WDFY4: variants seen among roughly 807,000 people sequenced by gnomAD.
The protein encoded by WDFY4 is WD repeat- and FYVE domain-containing protein 4.
Under a neutral mutation model 351.9 loss-of-function variants are expected in WDFY4, and 169 were observed. That is an observed-to-expected ratio of 0.48 (90% CI 0.42 to 0.55). The LOEUF (loss-of-function observed/expected upper bound fraction) is 0.55, where lower values mean the gene tolerates loss of function less well. WDFY4 is among the 20% of genes least tolerant of loss of function. The probability of loss-of-function intolerance (pLI) is 0.00; values close to 1 mark genes in which losing one functional copy is unlikely to be tolerated. For missense variants in WDFY4, 3,803 were observed against 3,935.6 expected, an observed-to-expected ratio of 0.97 and a Z score of 0.90; for synonymous variants, 1,622 against 1,574.6, an observed-to-expected ratio of 1.03 and a Z score of -0.71.
In WDFY4 at chr10:48,709,917, C is replaced by T; in HGVS notation, c.185C>T (p.Pro62Leu). 6.4e-7 allele frequency: 1 copy of T among 1,552,196 alleles called. No individual in the cohort carries two copies. Among genetic ancestry groups the T allele is most frequent in the Non-Finnish European group, 8.7e-7 (1 of 1,147,110 alleles). The change falls in exon 2 of 62, where the codon CCC (proline) becomes CTC (leucine). Residue 62 changes from proline (P) to leucine (L), a missense_variant. Physicochemically the swap from Pro to Leu is moderately conservative, Grantham distance 98. This residue lies in a region of WDFY4 where 488 missense variants were observed against 456.8 expected (regional missense o/e 1.07). Transcript: ENST00000325239. ...TACCAGCAGTTGACTCACAAGAGCC[C>T]CATTGAGCGTCAGAAGAGCCTGTTG... ...LEYQQLTHKS[P>L]IERQKSLLSL...
rs1002232240 is a variant in WDFY4, at chr10:48,873,777, A to T, written c.6948+80A>T. The T allele has an allele frequency of 2.3e-5, 33 of 1,439,986 alleles. No homozygotes were observed. In the African/African-American group the frequency reaches 4.6e-4, roughly 20 times the overall value. The allele number at this position is 1,439,986 out of a possible 1,614,324, so 89.2% of individuals were successfully genotyped here. Reference sequence around the variant, plus strand: ...AGCAGCTCCTGAGCTTCCCCATCACATGTTGTTTATATCAGGCTAAGATAA... The same window carrying T: ...AGCAGCTCCTGAGCTTCCCCATCACTTGTTGTTTATATCAGGCTAAGATAA... On this transcript the variant is annotated intron_variant, in intron 41 of 61. Coordinates refer to ENST00000325239, the MANE Select transcript of WDFY4 (RefSeq NM_001394531.1).
chr10:48,975,245 T>C (rs1842516881), intron 58 of WDFY4: 1 of 711,886 alleles, frequency 1.4e-6, no homozygotes, highest in Non-Finnish European at 2.4e-6. Flanking sequence ...TTCCTCCCTC[T>C]GGTGTTGGGG....
At chr10:48,813,929 T>G (rs1422118647) in intron 30 of WDFY4, 28 bp from the exon 31 acceptor site, 2 of 1,495,370 alleles carry the variant, frequency 1.3e-6, no homozygotes, top group Admixed American at 4.6e-5. Context: ...GCCGCAGGTC[T>G]GCTTACAGCT....
intron 25 of WDFY4, chr10:48,804,879 C>A (rs1589652701): frequency 2.8e-6 from 2 of 714,286 alleles, no homozygotes; most frequent in Non-Finnish European, 3.4e-6. Context: ...CACAACCAGA[C>A]AAGCTAGTGA....
At chr10:48,686,936 T>A (rs893028464) in intron 1 of WDFY4, among the ~76,000 whole-genome samples, 1 of 152,210 alleles carries the variant, frequency 6.6e-6, no homozygotes, top group African/African-American at 2.4e-5. Flanking sequence ...TTACTGGATG[T>A]CACCACGTTG....
At chr10:48,694,080 C>A (rs1004407) in intron 1 of WDFY4, among the ~76,000 whole-genome samples, 57,636 of 152,110 alleles carry the variant, frequency 0.38, 11,532 homozygotes, top group African/African-American at 0.5. Flanking sequence ...GAAATTTAAT[C>A]AGCTAAATGG....
At chr10:48,937,421 T>G (rs1243821216) in intron 47 of WDFY4, among the ~76,000 whole-genome samples, 1 of 152,322 alleles carries the variant, frequency 6.6e-6, no homozygotes, top group Non-Finnish European at 1.5e-5. Context: ...TCCTGGCAGG[T>G]GCTCTGAACA....
rs1056063404 is a variant in WDFY4, at chr10:48,725,786, C to G, written c.592-95C>G. 6 of 1,234,424 alleles carry G rather than the reference C, an allele frequency of 4.9e-6. No homozygotes were observed. In the African/African-American group the frequency reaches 7.5e-5, roughly 15 times the overall value. The allele number at this position is 1,234,424 out of a possible 1,614,324, so 76.5% of individuals were successfully genotyped here. A position where few individuals can be genotyped will look rare whatever the true frequency, so the allele number is the denominator to read the frequency against. On this transcript the variant is annotated intron_variant, in intron 5 of 61. Transcript: ENST00000325239. ...ATCCTGTCCTTCTCACAGAGACATG[C>G]TCATCAGTGCTCCAGAGAAGTAGGG...
chr10:48,951,583 TAAAC>T (rs1212147290), intron 51 of WDFY4, among the ~76,000 whole-genome samples: 3 of 151,860 alleles, frequency 2.0e-5, no homozygotes, highest in Non-Finnish European at 4.4e-5. Context: ...CCTGGATAAT[TAAAC>T]AAACAAGCAA....
intron 12 of WDFY4, among the ~76,000 whole-genome samples, chr10:48,745,268 A>C (rs1201102505): frequency 6.6e-6 from 1 of 152,162 alleles, no homozygotes; most frequent in African/African-American, 2.4e-5. Flanking sequence ...TCACTCTATC[A>C]AGGTGAGAGA....
At chr10:48,835,578 A>G (rs890218815) in intron 39 of WDFY4, among the ~76,000 whole-genome samples, 1 of 152,246 alleles carries the variant, frequency 6.6e-6, no homozygotes, top group Non-Finnish European at 1.5e-5. Context: ...CAGCAACTCA[A>G]GAAGAGCAGA....
intron 19 of WDFY4, among the ~76,000 whole-genome samples, chr10:48,780,612 T>C (rs1195292003): frequency 6.6e-6 from 1 of 152,080 alleles, no homozygotes; most frequent in Non-Finnish European, 1.5e-5. Flanking sequence ...AGGAAGGTAA[T>C]AGAATGCAAA....
At chr10:48,849,796 T>C (rs2068897326) in intron 39 of WDFY4, among the ~76,000 whole-genome samples, 1 of 152,246 alleles carries the variant, frequency 6.6e-6, no homozygotes, top group Admixed American at 6.5e-5. Flanking sequence ...ACATCAGACT[T>C]TATTTTAATT....
At chr10:48,952,166 G>A (rs753927323) in intron 51 of WDFY4, among the ~76,000 whole-genome samples, 3 of 152,112 alleles carry the variant, frequency 2.0e-5, no homozygotes, top group Non-Finnish European at 4.4e-5. Context: ...CAGGGAAGGC[G>A]AGGAACCTGG....
At chr10:48,959,872 C>A in intron 53 of WDFY4, 59 bp downstream of exon 53, 1 of 1,468,592 alleles carries the variant, frequency 6.8e-7, no homozygotes, top group South Asian at 1.2e-5. Flanking sequence ...CCTCAAGTTC[C>A]ACCGAGGCTT....
In WDFY4 at chr10:48,743,505, G is replaced by A. The variant is rs2064919401; in HGVS notation, c.2416G>A (p.Asp806Asn). The change falls in exon 12 of 62, where the codon GAC becomes AAC. Residue 806 changes from aspartate to asparagine, a missense_variant. Asp to Asn is a conservative substitution (Grantham distance 23). Coordinates refer to ENST00000325239, the MANE Select transcript of WDFY4 (RefSeq NM_001394531.1). ...TGTTCAGAAGGGAGAAACTGGCAGT[G>A]ACCCCCAACGCAACTTCAAGCAGTG... is the stretch of plus-strand genomic sequence containing the variant. ...VDVQKGETGS[D>N]PQRNFKQWPD... 1 of 1,540,912 alleles carries A rather than the reference G, an allele frequency of 6.5e-7. No individual in the cohort carries two copies. The highest frequency in any genetic ancestry group is 8.7e-7 in the Non-Finnish European group (1 of 1,146,512).
chr10:48,915,182 C>A (rs1838400808), intron 47 of WDFY4, among the ~76,000 whole-genome samples: 2 of 152,178 alleles, frequency 1.3e-5, no homozygotes, highest in South Asian at 4.1e-4. Flanking sequence ...TACTATAAAG[C>A]ACTTATAACA....
In WDFY4 at chr10:48,890,709, C is replaced by T. The variant is rs1221688554; in HGVS notation, c.7298C>T (p.Thr2433Ile). 2 of 1,551,596 alleles carry T rather than the reference C, an allele frequency of 1.3e-6. No individual in the cohort carries two copies. The highest frequency in any genetic ancestry group is 1.7e-6 in the Non-Finnish European group (2 of 1,147,000). The part of the protein sequence containing the change: ...TLSPTGDVYC[T>I]RHCLSNISDP... Reference sequence around the variant, plus strand: ...TCTCCCACGGGTGATGTCTACTGTACCCGTCACTGCTTATCCAAGTGAGTT... The same window carrying T: ...TCTCCCACGGGTGATGTCTACTGTATCCGTCACTGCTTATCCAAGTGAGTT... The change falls in exon 44 of 62, where the codon ACC (threonine) becomes ATC (isoleucine). Residue 2433 changes from threonine (T) to isoleucine (I), a missense_variant. Physicochemically the swap from Thr to Ile is moderately conservative, Grantham distance 89. Coordinates refer to ENST00000325239, the MANE Select transcript of WDFY4 (RefSeq NM_001394531.1).
At chr10:48,729,622 A>G in intron 8 of WDFY4, 33 bp downstream of exon 8, 1 of 1,549,920 alleles carries the variant, frequency 6.5e-7, no homozygotes, top group Non-Finnish European at 8.7e-7. Flanking sequence ...TGACCGGAAG[A>G]GTCAGTGCTG....
Sources: gnomAD v4.1 joint callset for allele counts (sites outside exome capture counted in the v4.1 genomes callset) on GRCh38, gnomAD v4.1.1 for gene constraint, gnomAD v4.1.1 regional missense constraint, MANE v1.5 for transcripts, NCBI Gene and HGNC (gene_info 2026-07-23, HGNC 2026-07-21) for gene names.